The following UNC93A variants were observed in gnomAD, a reference collection of about 807,000 sequenced individuals.
UNC93A encodes the protein unc-93 homolog A.
In UNC93A, 43 loss-of-function variants were observed where a neutral mutation model predicts 47.5. The observed-to-expected ratio is 0.91, with a 90% CI of 0.71 to 1.17. The LOEUF is 1.17. Among genes scored for constraint, UNC93A ranks in the 50% most tolerant of loss-of-function variants. The pLI is 0.00. For synonymous variants in UNC93A, 280 were observed against 258.0 expected, an observed-to-expected ratio of 1.09 and a Z score of -0.82; for missense variants, 605 against 577.6, an observed-to-expected ratio of 1.05 and a Z score of -0.49.
chr6:167,305,529 C>T (rs908633678), intron 5 of UNC93A, among the ~76,000 whole-genome samples: 9 of 151,836 alleles, frequency 5.9e-5, no homozygotes, highest in African/African-American at 2.2e-4. Flanking sequence ...GGTGTCAGGG[C>T]AATCTTTTCA....
In UNC93A at chr6:167,307,829, C is replaced by T. The variant is rs267600893; in HGVS notation, c.1027C>T (p.Arg343Cys). Residue 343 changes from arginine (R) to cysteine (C), a missense_variant, in exon 7 of 8, where the codon CGT becomes TGT. By Grantham distance (180) the Arg-to-Cys change is radical. Transcript: ENST00000230256. ...CMIALLLWRP[R>C]ADHLAVFFVF... ...GATTGCCCTACTGCTGTGGAGACCT[C>T]GTGCTGACCATCTGGCAGTGTTCTT... is the stretch of plus-strand genomic sequence containing the variant. 3.7e-5 allele frequency: 60 copies of T among 1,613,998 alleles called. No individual in the cohort carries two copies. The highest frequency in any genetic ancestry group is 2.9e-4 in the South Asian group (26 of 91,084).
chr6:167,280,102 G>C (rs1783607137), intron 1 of UNC93A, among the ~76,000 whole-genome samples: 1 of 152,148 alleles, frequency 6.6e-6, no homozygotes, highest in South Asian at 2.1e-4. Context: ...TTATTGATAA[G>C]TATTAGTTTG....
At chr6:167,308,336 G>A (rs1373961131) in intron 7 of UNC93A, among the ~76,000 whole-genome samples, 10 of 152,138 alleles carry the variant, frequency 6.6e-5, no homozygotes, top group African/African-American at 2.2e-4. Flanking sequence ...AGGAGCCCAC[G>A]GGACGATGGG....
At chr6:167,269,316 T>A (rs1354445597), upstream of UNC93A, among the ~76,000 whole-genome samples, 75 of 152,230 alleles carry the variant, frequency 4.9e-4, 1 homozygote, top group Non-Finnish European at 4.4e-5. Context: ...GTGGATACAG[T>A]TGAGGGAGTT....
intron 6 of UNC93A, 34 bp from the exon 7 acceptor site, chr6:167,307,745 T>C (rs1001098345): frequency 6.3e-7 from 1 of 1,576,852 alleles, no homozygotes; most frequent in Non-Finnish European, 8.6e-7. Flanking sequence ...ATGATGGCCC[T>C]CATCGCCTGG....
chr6:167,305,444 G>A (rs1258361243), intron 5 of UNC93A, among the ~76,000 whole-genome samples: 14 of 152,300 alleles, frequency 9.2e-5, no homozygotes, highest in Admixed American at 6.5e-4. Context: ...GAGGTCGCCC[G>A]TGATGGGAGT....
intron 7 of UNC93A, among the ~76,000 whole-genome samples, chr6:167,314,620 G>A (rs759252529): frequency 3.3e-5 from 5 of 152,192 alleles, no homozygotes; most frequent in East Asian, 3.8e-4. Flanking sequence ...TAGCACCAAC[G>A]TGCCTCCCGT....
intron 1 of UNC93A, among the ~76,000 whole-genome samples, chr6:167,277,653 GTCTCTCTA>G (rs2115077316): frequency 6.6e-6 from 1 of 151,124 alleles, no homozygotes; most frequent in Non-Finnish European, 1.5e-5. Flanking sequence ...GTCTCCCTCT[GTCTCTCTA>G]TCTCTCTGTC....
intron 1 of UNC93A, among the ~76,000 whole-genome samples, chr6:167,282,714 C>T (rs1460176638): frequency 6.6e-6 from 1 of 152,052 alleles, no homozygotes; most frequent in Non-Finnish European, 1.5e-5. Context: ...ATGTGAAGAC[C>T]ATGATCCAGG....
Position 167,296,052 on chromosome 6 carries a change from C to T in UNC93A, c.290C>T (p.Ser97Phe), listed in dbSNP as rs746485572. 5.6e-6 allele frequency: 9 copies of T among 1,614,086 alleles called. No homozygotes were observed. The highest frequency in any genetic ancestry group is 1.7e-5 in the Admixed American group (1 of 60,008). The change falls in exon 3 of 8, where the codon TCC becomes TTC. Residue 97 changes from serine to phenylalanine, a missense_variant. Ser to Phe is a radical substitution (Grantham distance 155). Transcript: ENST00000230256. ...CACAGGTACACTTTGATCCCCACCTCCATACTGCTGGGACTCGGGGCCGCC... is the reference window on the plus strand; with the variant it reads ...CACAGGTACACTTTGATCCCCACCTTCATACTGCTGGGACTCGGGGCCGCC... ...FASWYTLIPT[S>F]ILLGLGAAPL...
At chr6:167,312,332 C>T (rs1409734667) in intron 7 of UNC93A, among the ~76,000 whole-genome samples, 1 of 151,878 alleles carries the variant, frequency 6.6e-6, no homozygotes, top group Non-Finnish European at 1.5e-5. Flanking sequence ...AACCCACTGC[C>T]TTCCCTTTCC....
At chr6:167,307,260 G>A (rs952146058) in intron 6 of UNC93A, among the ~76,000 whole-genome samples, 7 of 152,156 alleles carry the variant, frequency 4.6e-5, no homozygotes, top group African/African-American at 1.7e-4. Context: ...TGCGGGTCAC[G>A]CAGCAGGTGT....
chr6:167,299,670 A>G (rs1252454837), intron 4 of UNC93A, among the ~76,000 whole-genome samples: 2 of 152,204 alleles, frequency 1.3e-5, no homozygotes, highest in East Asian at 1.9e-4. Context: ...TCCCTGGAGC[A>G]CGGAGTTTCA....
upstream of UNC93A, among the ~76,000 whole-genome samples, chr6:167,287,686 T>TGA (rs771375499): frequency 6.7e-6 from 1 of 149,314 alleles, no homozygotes; most frequent in African/African-American, 2.5e-5. Context: ...ATAAAAAGGG[T>TGA]GTGTGTGTGT....
chr6:167,290,424 T>A (rs1783820383), upstream of UNC93A, among the ~76,000 whole-genome samples: 1 of 152,152 alleles, frequency 6.6e-6, no homozygotes, highest in Non-Finnish European at 1.5e-5. Context: ...GCCTTATAGA[T>A]CTAATCTAGA....
intron 6 of UNC93A, 66 bp from the exon 7 acceptor site, chr6:167,307,713 C>G: frequency 6.5e-7 from 1 of 1,537,528 alleles, no homozygotes; most frequent in Non-Finnish European, 8.7e-7. Flanking sequence ...ACTGACCCAC[C>G]TCCAGGCCCC....
chr6:167,308,377 A>G (rs3736678), intron 7 of UNC93A, among the ~76,000 whole-genome samples: 92,329 of 151,930 alleles, frequency 0.61, 28,377 homozygotes, highest in East Asian at 0.78. Flanking sequence ...AGCCACACAC[A>G]TCACAGGTCA....
intron 1 of UNC93A, among the ~76,000 whole-genome samples, chr6:167,283,896 G>A (rs377311847): frequency 1.3e-5 from 2 of 152,298 alleles, no homozygotes. Flanking sequence ...GATAAATTGA[G>A]TCTTCGTGGT....
At position 167,296,059 on chromosome 6, in the gene UNC93A, G is replaced by T; in HGVS notation, c.297G>T (p.Leu99=). ...ACACTTTGATCCCCACCTCCATACT[G>T]CTGGGACTCGGGGCCGCCCCGCTGT... ...SWYTLIPTSI[L]LGLGAAPLWS... The change falls in exon 3 of 8, where the codon CTG becomes CTT. Residue 99 remains leucine (L), a synonymous_variant. Transcript: ENST00000230256. 1.2e-6 allele frequency: 2 copies of T among 1,614,200 alleles called. No homozygotes were observed. The highest frequency in any genetic ancestry group is 1.7e-6 in the Non-Finnish European group (2 of 1,180,044).
Sources: gnomAD v4.1 joint callset for allele counts (sites outside exome capture counted in the v4.1 genomes callset) on GRCh38, gnomAD v4.1.1 for gene constraint, MANE v1.5 for transcripts, NCBI Gene and HGNC (gene_info 2026-07-23, HGNC 2026-07-21) for gene names.